The following WWOX variants were observed in gnomAD, a reference collection of about 807,000 sequenced individuals.
WWOX encodes the protein WW domain containing oxidoreductase, also known as WW domain-containing oxidoreductase.
A neutral mutation model predicts 46.2 loss-of-function variants in WWOX; 69 were observed. That is an observed-to-expected ratio of 1.49 (90% CI 1.23 to 1.82). The LOEUF is 1.82. Ranked by LOEUF, WWOX falls within the 40% of genes most tolerant of loss-of-function variation. The pLI is 0.00. For synonymous variants in WWOX, 359 were observed against 202.6 expected (o/e 1.77, Z -6.56); for missense variants, 919 against 542.6 (o/e 1.69, Z -6.89).
chr16:78,863,169 A>G lies in WWOX; in HGVS notation c.1057-348439A>G, dbSNP rs759908717. Among the ~76,000 whole-genome samples, 57 of 152,014 alleles carry G rather than the reference A, an allele frequency of 3.7e-4. 1 individual carries two copies. Among genetic ancestry groups the G allele is most frequent in the Middle Eastern group, 3.4e-3 (1 of 294 alleles). On this transcript the variant is annotated intron_variant, in intron 8 of 8. Transcript: ENST00000566780. ...GATGGGGTTTCACCATGTTGGCCAG[A>G]CTGGTCTCAAACTCCTGACCTCAGG...
At chr16:78,540,657 CT>C (rs1488148946) in intron 8 of WWOX, among the ~76,000 whole-genome samples, 1 of 151,564 alleles carries the variant, frequency 6.6e-6, no homozygotes, top group African/African-American at 2.4e-5. Flanking sequence ...CTGTGGATTT[CT>C]ATAGGCTCCT....
At position 78,844,662 on chromosome 16, in the gene WWOX, A is replaced by G. The variant is rs1342363734; in HGVS notation, c.1057-366946A>G. 2.6e-5 allele frequency among the ~76,000 whole-genome samples: 4 copies of G among 152,332 alleles called. No individual in the cohort carries two copies. The East Asian group carries it at 7.7e-4, about 29-fold the overall frequency. On this transcript the variant is annotated intron_variant, in intron 8 of 8. Coordinates refer to ENST00000566780, the MANE Select transcript of WWOX (RefSeq NM_016373.4). ...TAATTTCCGTGCAATTAATATCCTC[A>G]AATTAAAACATACCTTTTTAAAGAA...
chr16:78,691,217 A>G (rs1352306324), intron 8 of WWOX: 11 of 701,928 alleles, frequency 1.6e-5, no homozygotes, highest in Non-Finnish European at 2.3e-5. Flanking sequence ...AATTTTAGCT[A>G]TGCTTCTCTT....
At chr16:78,865,051 C>T (rs1027339135) in intron 8 of WWOX, among the ~76,000 whole-genome samples, 4 of 152,060 alleles carry the variant, frequency 2.6e-5, no homozygotes, top group Non-Finnish European at 5.9e-5. Flanking sequence ...GCGTGAGCCA[C>T]CGCGCCTGGC....
At chr16:78,377,583 A>C (rs1243966344) in intron 5 of WWOX, among the ~76,000 whole-genome samples, 1 of 152,224 alleles carries the variant, frequency 6.6e-6, no homozygotes, top group African/African-American at 2.4e-5. Context: ...ATGCACAATC[A>C]TGTTGACTGC....
chr16:78,799,274 G>T (rs1325295252), intron 8 of WWOX, among the ~76,000 whole-genome samples: 1 of 152,146 alleles, frequency 6.6e-6, no homozygotes. Context: ...GAGAGTTCAT[G>T]GGCAGGGTAC....
chr16:78,239,024 C>T (rs1442391751), intron 5 of WWOX, among the ~76,000 whole-genome samples: 1 of 152,156 alleles, frequency 6.6e-6, no homozygotes, highest in African/African-American at 2.4e-5. Context: ...TTCGTGGACT[C>T]CTCGTACCTG....
chr16:78,510,580 C>T (rs371882804), intron 8 of WWOX, among the ~76,000 whole-genome samples: 1 of 152,224 alleles, frequency 6.6e-6, no homozygotes, highest in Non-Finnish European at 1.5e-5. Flanking sequence ...TTCTCATCAA[C>T]TGCAACCATA....
At chr16:78,937,102 C>A (rs540161184) in intron 8 of WWOX, among the ~76,000 whole-genome samples, 1 of 152,256 alleles carries the variant, frequency 6.6e-6, no homozygotes, top group East Asian at 1.9e-4. Context: ...CTCAGTAATT[C>A]CTTCTCAGCA....
At chr16:78,164,368 T>A (rs2034903850) in intron 5 of WWOX, 79 bp downstream of exon 5, 5 of 1,271,052 alleles carry the variant, frequency 3.9e-6, no homozygotes, top group Non-Finnish European at 5.7e-6. Flanking sequence ...TTCAGTGGAG[T>A]GTGTAAAGTT....
chr16:78,656,406 T>G (rs1379411784), intron 8 of WWOX, among the ~76,000 whole-genome samples: 1 of 152,156 alleles, frequency 6.6e-6, no homozygotes, highest in Admixed American at 6.5e-5. Context: ...GAGGTTTAAT[T>G]GGCTCATGGT....
chr16:78,305,126 G>A (rs2080109525), intron 5 of WWOX, among the ~76,000 whole-genome samples: 1 of 152,296 alleles, frequency 6.6e-6, no homozygotes, highest in East Asian at 1.9e-4. Context: ...TCCCCAAGTT[G>A]TGTAAATCAA....
intron 8 of WWOX, among the ~76,000 whole-genome samples, chr16:78,603,410 T>C (rs1033383816): frequency 4.6e-5 from 7 of 152,122 alleles, no homozygotes; most frequent in Non-Finnish European, 7.4e-5. Context: ...AAAAACTATA[T>C]CCTGCTGGGT....
chr16:79,171,388 A>C (rs150166148), intron 8 of WWOX, among the ~76,000 whole-genome samples: 11 of 152,362 alleles, frequency 7.2e-5, no homozygotes, highest in Admixed American at 3.3e-4. Context: ...TAATTATCAT[A>C]TACACCCTTT....
chr16:79,131,118 C>T (rs9646323), intron 8 of WWOX, among the ~76,000 whole-genome samples: 1 of 152,090 alleles, frequency 6.6e-6, no homozygotes, highest in African/African-American at 2.4e-5. Flanking sequence ...TGGACAGACT[C>T]CATGCTGCCC....
intron 8 of WWOX, among the ~76,000 whole-genome samples, chr16:79,087,753 A>G (rs78512002): frequency 0.044 from 6,667 of 152,282 alleles, 259 homozygotes; most frequent in African/African-American, 0.099. Flanking sequence ...GAATTTGGCC[A>G]TTTCTCTGCT....
intron 8 of WWOX, chr16:78,691,302 T>TC: frequency 1.4e-6 from 1 of 701,732 alleles, no homozygotes; most frequent in Non-Finnish European, 2.6e-6. Context: ...GGTGAGTTCT[T>TC]ACCTTGTAAA....
rs190093322 is a variant in WWOX at position 78,327,214 on chromosome 16, T to G, written c.517-59646T>G. On this transcript the variant is annotated intron_variant, in intron 5 of 8. Coordinates refer to ENST00000566780, the MANE Select transcript of WWOX (RefSeq NM_016373.4). ...CAAATTATAGGCCAGGTCTGTCTTA[T>G]GAAAGATGATAAATGGATGTGTCAT... Among the ~76,000 whole-genome samples, 722 of 152,276 alleles carry G rather than the reference T, an allele frequency of 4.7e-3. 3 individuals are homozygous for G. Among genetic ancestry groups the G allele is most frequent in the Non-Finnish European group, 7.7e-3 (521 of 68,014 alleles).
At chr16:78,797,155 A>G (rs1246520287) in intron 8 of WWOX, among the ~76,000 whole-genome samples, 1 of 152,020 alleles carries the variant, frequency 6.6e-6, no homozygotes, top group African/African-American at 2.4e-5. Flanking sequence ...GAAGTGGGGA[A>G]ATCGTACCTG....
Sources: gnomAD v4.1 joint callset for allele counts (sites outside exome capture counted in the v4.1 genomes callset) on GRCh38, gnomAD v4.1.1 for gene constraint, MANE v1.5 for transcripts, NCBI Gene and HGNC (gene_info 2026-07-23, HGNC 2026-07-21) for gene names.